Variants in SIPA1L1 observed in about 807,000 individuals in gnomAD.
SIPA1L1 encodes the protein signal-induced proliferation-associated 1-like protein 1.
A neutral mutation model predicts 162.7 loss-of-function variants in SIPA1L1; 26 were observed. The observed-to-expected ratio is 0.16, with a 90% confidence interval of 0.12 to 0.22. The LOEUF is 0.22. Among genes scored for constraint, SIPA1L1 ranks in the 10% least tolerant of loss-of-function variants. The pLI is 1.00. For missense variants in SIPA1L1, 1,874 were observed against 2,241.0 expected, an observed-to-expected ratio of 0.84 and a Z score of 3.31; for synonymous variants, 829 against 837.4, an observed-to-expected ratio of 0.99 and a Z score of 0.17.
intron 5 of SIPA1L1, among the ~76,000 whole-genome samples, chr14:71,595,115 C>T (rs533914886): frequency 9.2e-5 from 14 of 152,210 alleles, no homozygotes; most frequent in South Asian, 8.3e-4. Flanking sequence ...CTTAAAAGGG[C>T]GTGGGCTTCA....
At chr14:71,631,834 G>T (rs1056964183) in intron 7 of SIPA1L1, among the ~76,000 whole-genome samples, 2 of 152,022 alleles carry the variant, frequency 1.3e-5, no homozygotes, top group Admixed American at 6.6e-5. Flanking sequence ...CTCTCAATAC[G>T]GAATTTTTCC....
rs555562857 is a variant in SIPA1L1 at position 71,609,768 on chromosome 14, A to G, written c.1499-8989A>G. On this transcript the variant is annotated intron_variant, in intron 5 of 23. Coordinates refer to ENST00000381232, the MANE Select transcript of SIPA1L1 (RefSeq NM_001386936.1). ...AGGCATGAGCCACCGCGCCTGGCCA[A>G]TTCTTTGTAGTGATGGTGTCTCACT... is the stretch of plus-strand genomic sequence containing the variant. Among the ~76,000 whole-genome samples the G allele has an allele frequency of 2.0e-5, 3 of 151,892 alleles. No individual in the cohort carries two copies. In the East Asian group the frequency reaches 5.8e-4, roughly 30 times the overall value.
chr14:71,736,615 G>A (rs1047897874), intron 22 of SIPA1L1, among the ~76,000 whole-genome samples: 3 of 152,130 alleles, frequency 2.0e-5, no homozygotes, highest in East Asian at 1.9e-4. Flanking sequence ...GAGAGAGGCC[G>A]CACTTACCTC....
chr14:71,482,574 C>T (rs1434900648), intron 2 of SIPA1L1, among the ~76,000 whole-genome samples: 2 of 152,160 alleles, frequency 1.3e-5, no homozygotes, highest in South Asian at 2.1e-4. Context: ...TGTGGAAACG[C>T]GCCTCATTAA....
intron 7 of SIPA1L1, among the ~76,000 whole-genome samples, chr14:71,634,000 A>G (rs1379390852): frequency 6.6e-6 from 1 of 152,166 alleles, no homozygotes; most frequent in African/African-American, 2.4e-5. Context: ...AAACAGTATA[A>G]ATCCAAAGAA....
intron 17 of SIPA1L1, among the ~76,000 whole-genome samples, chr14:71,722,423 C>T (rs994746329): frequency 1.3e-5 from 2 of 152,134 alleles, no homozygotes; most frequent in African/African-American, 4.8e-5. Context: ...AAAGTGCCAT[C>T]GAGGAACGCT....
In SIPA1L1 at chr14:71,671,163, C is replaced by G. The variant is rs530504294; in HGVS notation, c.2300C>G (p.Pro767Arg). 4 of 1,613,424 alleles carry G rather than the reference C, an allele frequency of 2.5e-6. No individual in the cohort carries two copies. The South Asian group carries it at 4.4e-5, about 18-fold the overall frequency. The change falls in exon 11 of 24, where the codon CCC becomes CGC. Residue 767 changes from proline (P) to arginine (R), a missense_variant. Physicochemically the swap from Pro to Arg is moderately radical, Grantham distance 103 (BLOSUM62 -2). Around this residue, in one of 5 missense-constraint regions of SIPA1L1, gnomAD observed 243 missense variants for 315.0 expected, o/e 0.77. Coordinates refer to ENST00000381232, the MANE Select transcript of SIPA1L1 (RefSeq NM_001386936.1). ...RSRDVPSFGP[P>R]IPKGVTFPKS... is the part of the protein sequence containing the mutation. ...AGAGATGTGCCTTCCTTTGGGCCTC[C>G]CATTCCTAAAGGGGTCACTTTCCCT...
chr14:71,446,668 A>G (rs1455241910), intron 2 of SIPA1L1, among the ~76,000 whole-genome samples: 2 of 152,092 alleles, frequency 1.3e-5, no homozygotes, highest in Admixed American at 6.6e-5. Flanking sequence ...GTGTGTGTGC[A>G]TTTTTATATA....
intron 3 of SIPA1L1, among the ~76,000 whole-genome samples, chr14:71,515,780 C>T (rs764849912): frequency 3.4e-4 from 52 of 152,098 alleles, no homozygotes; most frequent in South Asian, 1.9e-3. Flanking sequence ...TGCTACTACA[C>T]GCACATGCCA....
intron 4 of SIPA1L1, among the ~76,000 whole-genome samples, chr14:71,540,850 G>A (rs1428226447): frequency 6.6e-6 from 1 of 152,112 alleles, no homozygotes; most frequent in East Asian, 1.9e-4. Context: ...ATGCTGGCTG[G>A]GCAGGGTGGC....
chr14:71,553,258 A>T (rs1245485284), intron 4 of SIPA1L1, among the ~76,000 whole-genome samples: 1 of 152,262 alleles, frequency 6.6e-6, no homozygotes, highest in East Asian at 1.9e-4. Context: ...TTACTAAGTT[A>T]TAAGAATCTA....
At chr14:71,697,539 T>G (rs1464138708) in intron 13 of SIPA1L1, among the ~76,000 whole-genome samples, 1 of 152,146 alleles carries the variant, frequency 6.6e-6, no homozygotes, top group Non-Finnish European at 1.5e-5. Flanking sequence ...AAGGGCAGTT[T>G]GCGTTATTGG....
intron 2 of SIPA1L1, among the ~76,000 whole-genome samples, chr14:71,331,123 C>A (rs2034487161): frequency 6.6e-6 from 1 of 152,122 alleles, no homozygotes. Context: ...ATGTGGGTAT[C>A]TTATTTTTTC....
chr14:71,400,269 G>A (rs2041566166), intron 2 of SIPA1L1, among the ~76,000 whole-genome samples: 1 of 151,946 alleles, frequency 6.6e-6, no homozygotes, highest in Non-Finnish European at 1.5e-5. Flanking sequence ...TTTCTCTGGG[G>A]GATTAGGACT....
At chr14:71,365,534 G>T (rs2038204238) in intron 2 of SIPA1L1, among the ~76,000 whole-genome samples, 1 of 152,036 alleles carries the variant, frequency 6.6e-6, no homozygotes, top group Non-Finnish European at 1.5e-5. Context: ...TGATGACATG[G>T]TAGTTTCTCA....
At chr14:71,670,930 G>A (rs1380146182) in intron 10 of SIPA1L1, among the ~76,000 whole-genome samples, 189 bp from the exon 11 acceptor site, 1 of 152,128 alleles carries the variant, frequency 6.6e-6, no homozygotes, top group Admixed American at 6.5e-5. Context: ...ATTATGTTGT[G>A]TAAATCCTAA....
At chr14:71,719,314 T>C (rs2083508063) in intron 17 of SIPA1L1, among the ~76,000 whole-genome samples, 1 of 152,192 alleles carries the variant, frequency 6.6e-6, no homozygotes, top group South Asian at 2.1e-4. Flanking sequence ...GAATGCAATA[T>C]CCATGTCAAG....
Position 71,320,517 on chromosome 14 carries a change from C to T in SIPA1L1, c.-525+14C>T, listed in dbSNP as rs935438602. ...AGTGAGCGAAAAGTCAGTGCAGCGC[C>T]GAGTCCCCGGCTGGAGGGTCCCCGG... On this transcript the variant is annotated intron_variant, in intron 1 of 23. Transcript: ENST00000381232. The T allele has an allele frequency of 4.6e-5, 7 of 152,446 alleles. No homozygotes were observed. The highest frequency in any genetic ancestry group is 1.7e-4 in the African/African-American group (7 of 41,562). The allele number at this position is 152,446 out of a possible 1,614,324, so 9.4% of individuals were successfully genotyped here.
intron 2 of SIPA1L1, among the ~76,000 whole-genome samples, chr14:71,397,946 CAG>C (rs1346800151): frequency 6.7e-5 from 10 of 149,446 alleles, no homozygotes; most frequent in Middle Eastern, 3.5e-3. Context: ...AATTCCCACA[CAG>C]AGTTTCTTTT....
Sources: gnomAD v4.1 joint callset for allele counts (sites outside exome capture counted in the v4.1 genomes callset) on GRCh38, gnomAD v4.1.1 for gene constraint, gnomAD v4.1.1 regional missense constraint, MANE v1.5 for transcripts, NCBI Gene and HGNC (gene_info 2026-07-23, HGNC 2026-07-21) for gene names.